Variants in MSRA observed in about 807,000 individuals in gnomAD.
The protein encoded by MSRA is methionine sulfoxide reductase A, also known as mitochondrial peptide methionine sulfoxide reductase.
MSRA carries 54 observed loss-of-function variants against 31.3 expected under a neutral mutation model. The observed-to-expected ratio is 1.73, with a 90% CI of 1.39 to 2.17. MSRA has a LOEUF of 2.17. MSRA is among the 30% of genes most tolerant of loss of function. MSRA has a pLI of 0.00. For missense variants in MSRA, 507 were observed against 300.9 expected (o/e 1.69, Z -5.07); for synonymous variants, 169 against 116.5 (o/e 1.45, Z -2.90).
At chr8:10,156,775 T>C (rs1316022995) in intron 1 of MSRA, among the ~76,000 whole-genome samples, 2 of 151,880 alleles carry the variant, frequency 1.3e-5, no homozygotes, top group Non-Finnish European at 1.5e-5. Context: ...GTTGTACTTA[T>C]TGCCTTCTGG....
rs544334407 is a variant in MSRA, at chr8:10,428,455, A to T, written c.*143A>T. On this transcript the variant is annotated 3_prime_UTR_variant, in exon 6 of 6. Coordinates refer to ENST00000317173, the MANE Select transcript of MSRA (RefSeq NM_012331.5). ...TACAGATTGGGTTTACCGAAGTATA[A>T]TCTATAGGAGGCGCGATGGCAAGTT... 3.4e-6 allele frequency: 3 copies of T among 891,864 alleles called. No homozygotes were observed. Among genetic ancestry groups the T allele is most frequent in the Non-Finnish European group, 3.4e-6 (2 of 588,728 alleles). The allele number at this position is 891,864 out of a possible 1,614,324, so 55.2% of individuals were successfully genotyped here.
intron 1 of MSRA, among the ~76,000 whole-genome samples, chr8:10,188,255 C>G (rs1021028739): frequency 6.6e-6 from 1 of 152,102 alleles, no homozygotes; most frequent in Non-Finnish European, 1.5e-5. Context: ...ATTGTGTGCA[C>G]TTTTTTTGGT....
intron 1 of MSRA, among the ~76,000 whole-genome samples, chr8:10,125,568 C>A (rs6985791): frequency 0.29 from 44,357 of 151,956 alleles, 7,210 homozygotes; most frequent in East Asian, 0.57. Context: ...ACATTGGGGG[C>A]CAGGCTCCTG....
chr8:10,256,142 C>T (rs80125956), intron 3 of MSRA, among the ~76,000 whole-genome samples: 5,368 of 152,256 alleles, frequency 0.035, 298 homozygotes, highest in African/African-American at 0.12. Flanking sequence ...ATCCTCCCCC[C>T]CCAACCCCTG....
intron 3 of MSRA, among the ~76,000 whole-genome samples, chr8:10,258,591 T>A (rs2129091516): frequency 6.6e-6 from 1 of 152,340 alleles, no homozygotes; most frequent in East Asian, 1.9e-4. Flanking sequence ...CTTGGAAGAC[T>A]CTGGGACTCT....
At chr8:10,384,588 C>T (rs2129176189) in intron 5 of MSRA, among the ~76,000 whole-genome samples, 1 of 152,324 alleles carries the variant, frequency 6.6e-6, no homozygotes, top group Middle Eastern at 3.4e-3. Flanking sequence ...CTGGTCTCAA[C>T]AGGGACACAG....
chr8:10,087,980 G>C (rs1016070751), intron 1 of MSRA, among the ~76,000 whole-genome samples: 2 of 152,202 alleles, frequency 1.3e-5, no homozygotes, highest in Admixed American at 1.3e-4. Context: ...AAATACTTCA[G>C]TTAATGCAGG....
At chr8:10,290,828 G>T (rs576350783) in intron 3 of MSRA, among the ~76,000 whole-genome samples, 31 of 152,152 alleles carry the variant, frequency 2.0e-4, no homozygotes, top group African/African-American at 6.8e-4. Flanking sequence ...AAACTGCATT[G>T]GTTCTCTTGG....
In MSRA at chr8:10,083,157, A is replaced by G. The variant is rs1257198313; in HGVS notation, c.142+28499A>G. 4.6e-5 allele frequency among the ~76,000 whole-genome samples: 7 copies of G among 152,214 alleles called. 1 individual carries two copies. Among genetic ancestry groups the G allele is most frequent in the Non-Finnish European group, 1.0e-4 (7 of 68,040 alleles). ...CAGATACATTTTTTTCTGTGTTAAA[A>G]ATATAAAGCCATATTTCCAGAGATT... is the stretch of plus-strand genomic sequence containing the variant. On this transcript the variant is annotated intron_variant, in intron 1 of 5. Transcript: ENST00000317173.
At chr8:10,239,556 A>G (rs1018902770) in intron 2 of MSRA, among the ~76,000 whole-genome samples, 2 of 152,196 alleles carry the variant, frequency 1.3e-5, no homozygotes, top group African/African-American at 4.8e-5. Flanking sequence ...ATCCTCCTAC[A>G]CTGCTTATAG....
intron 5 of MSRA, among the ~76,000 whole-genome samples, chr8:10,403,467 G>A (rs558206721): frequency 2.6e-5 from 4 of 152,336 alleles, no homozygotes; most frequent in Admixed American, 2.6e-4. Context: ...GGTCCTGGAT[G>A]GCTAGGCCCT....
At chr8:10,153,040 A>G (rs1803846621) in intron 1 of MSRA, among the ~76,000 whole-genome samples, 1 of 152,248 alleles carries the variant, frequency 6.6e-6, no homozygotes, top group Non-Finnish European at 1.5e-5. Flanking sequence ...TAAAGGATGC[A>G]GAGTTTCAGT....
rs554891188 is a variant in MSRA at position 10,421,556 on chromosome 8, C to T, written c.544-6592C>T. Among the ~76,000 whole-genome samples, 29 of 152,172 alleles carry T rather than the reference C, an allele frequency of 1.9e-4. No individual in the cohort carries two copies. The South Asian group carries it at 4.0e-3, about 21-fold the overall frequency. ...AGACACTCGGGCACTTGGAGAATCT[C>T]GGTGATCCTAATCGTAAGCTTGTTA... On this transcript the variant is annotated intron_variant, in intron 5 of 5. Coordinates refer to ENST00000317173, the MANE Select transcript of MSRA (RefSeq NM_012331.5).
At chr8:10,194,265 C>A (rs886833142) in intron 1 of MSRA, among the ~76,000 whole-genome samples, 1 of 152,174 alleles carries the variant, frequency 6.6e-6, no homozygotes, top group Non-Finnish European at 1.5e-5. Flanking sequence ...CCTTCCCCCC[C>A]TTAAAAAGAA....
At chr8:10,077,835 T>C (rs1798070342) in intron 1 of MSRA, among the ~76,000 whole-genome samples, 1 of 152,134 alleles carries the variant, frequency 6.6e-6, no homozygotes, top group Admixed American at 6.5e-5. Context: ...TTGGTGTCCA[T>C]TGGTCCCATT....
chr8:10,357,695 C>G (rs950409659), intron 5 of MSRA, among the ~76,000 whole-genome samples: 1 of 152,126 alleles, frequency 6.6e-6, no homozygotes, highest in African/African-American at 2.4e-5. Context: ...AAAAGTATTT[C>G]AAGACCAGCT....
intron 5 of MSRA, among the ~76,000 whole-genome samples, chr8:10,412,343 T>C (rs1321430956): frequency 6.6e-6 from 1 of 152,244 alleles, no homozygotes; most frequent in Non-Finnish European, 1.5e-5. Flanking sequence ...TCTGGTTCCC[T>C]GGTACTTTGT....
rs114068622 is a variant in MSRA at position 10,392,646 on chromosome 8, C to G, written c.544-35502C>G. On this transcript the variant is annotated intron_variant, in intron 5 of 5. Coordinates refer to ENST00000317173, the MANE Select transcript of MSRA (RefSeq NM_012331.5). ...TCTTTATGAAGACACCTCATCCTGT[C>G]ATTTGCCTGTGACCATCACTTGGCC... is the stretch of plus-strand genomic sequence containing the variant. Among the ~76,000 whole-genome samples, 317 of 150,580 alleles carry G rather than the reference C, an allele frequency of 2.1e-3. 5 individuals are homozygous for G. The highest frequency in any genetic ancestry group is 7.3e-3 in the African/African-American group (300 of 41,066).
intron 4 of MSRA, among the ~76,000 whole-genome samples, chr8:10,308,668 C>G (rs1465216902): frequency 6.6e-6 from 1 of 152,226 alleles, no homozygotes; most frequent in Non-Finnish European, 1.5e-5. Flanking sequence ...ACAGTTCTCC[C>G]CAGACTATGC....
Sources: allele counts gnomAD v4.1 joint callset (sites outside exome capture counted in the v4.1 genomes callset), GRCh38; gene constraint gnomAD v4.1.1; transcripts MANE v1.5; gene names NCBI Gene and HGNC (gene_info 2026-07-23, HGNC 2026-07-21).